GRIA1: variants seen among roughly 807,000 people sequenced by gnomAD.
GRIA1 encodes glutamate ionotropic receptor AMPA type subunit 1.
Under a neutral mutation model 99.2 loss-of-function variants are expected in GRIA1, and 31 were observed. The observed-to-expected ratio is 0.31, with a 90% CI of 0.23 to 0.42. GRIA1 has a LOEUF of 0.42. Ranked by LOEUF, GRIA1 falls within the 10% of genes least tolerant of loss-of-function variation. The pLI is 1.00. For synonymous variants in GRIA1, 438 were observed against 432.4 expected, an observed-to-expected ratio of 1.01 and a Z score of -0.16; for missense variants, 782 against 1,157.5, an observed-to-expected ratio of 0.68 and a Z score of 4.71.
chr5:153,500,606 TACATACAC>T (rs1754913323), intron 2 of GRIA1, among the ~76,000 whole-genome samples: 3 of 57,192 alleles, frequency 5.2e-5, no homozygotes, highest in Admixed American at 1.7e-4. Flanking sequence ...CTCCCCCTCT[TACATACAC>T]ACACACACAC....
chr5:153,701,275 C>T (rs936420812), intron 10 of GRIA1, among the ~76,000 whole-genome samples: 1 of 152,138 alleles, frequency 6.6e-6, no homozygotes, highest in Non-Finnish European at 1.5e-5. Flanking sequence ...GCAGCCAGGC[C>T]TGCCTCAGTA....
At chr5:153,625,303 C>T (rs1767490551) in intron 2 of GRIA1, among the ~76,000 whole-genome samples, 1 of 152,218 alleles carries the variant, frequency 6.6e-6, no homozygotes, top group African/African-American at 2.4e-5. Context: ...GGGCAAGGCT[C>T]TTTCCTGGTC....
intron 2 of GRIA1, among the ~76,000 whole-genome samples, chr5:153,612,157 A>G (rs1207911660): frequency 2.0e-5 from 3 of 152,228 alleles, no homozygotes; most frequent in Non-Finnish European, 4.4e-5. Flanking sequence ...TGCCATTGGC[A>G]CCTAGGTGGG....
At chr5:153,593,616 A>T (rs1764173796) in intron 2 of GRIA1, among the ~76,000 whole-genome samples, 1 of 152,020 alleles carries the variant, frequency 6.6e-6, no homozygotes, top group Non-Finnish European at 1.5e-5. Context: ...TGCATATTTT[A>T]TCATTGACTC....
chr5:153,599,559 C>A (rs1191335163), intron 2 of GRIA1, among the ~76,000 whole-genome samples: 1 of 152,282 alleles, frequency 6.6e-6, no homozygotes, highest in South Asian at 2.1e-4. Flanking sequence ...ACTTATAATA[C>A]CTAATACAAT....
intron 11 of GRIA1, among the ~76,000 whole-genome samples, chr5:153,762,790 C>G (rs149894188): frequency 6.6e-6 from 1 of 152,322 alleles, no homozygotes; most frequent in African/African-American, 2.4e-5. Flanking sequence ...GAGAAACACT[C>G]TCACTCTCAG....
At chr5:153,798,615 T>C (rs1382563418) in intron 14 of GRIA1, among the ~76,000 whole-genome samples, 1 of 152,240 alleles carries the variant, frequency 6.6e-6, no homozygotes, top group Non-Finnish European at 1.5e-5. Context: ...TTAGCAGGTC[T>C]TGATGGCAGG....
At chr5:153,630,060 T>A (rs543347919) in intron 2 of GRIA1, among the ~76,000 whole-genome samples, 1 of 151,934 alleles carries the variant, frequency 6.6e-6, no homozygotes, top group African/African-American at 2.4e-5. Flanking sequence ...CTATTATCAG[T>A]TCTGTGACCC....
At position 153,811,879 on chromosome 5, in the gene GRIA1, T is replaced by A. The variant is rs1160165608; in HGVS notation, c.*654T>A. Reference sequence around the variant, plus strand: ...CCAAGTGGGGCACTGCTTAAGCACTTATTCAGTGGAGAACACAGGTGAAAA... The same window carrying A: ...CCAAGTGGGGCACTGCTTAAGCACTAATTCAGTGGAGAACACAGGTGAAAA... On this transcript the variant is annotated 3_prime_UTR_variant, in exon 16 of 16. Coordinates refer to ENST00000285900, the MANE Select transcript of GRIA1 (RefSeq NM_000827.4). 6.5e-6 allele frequency: 1 copy of A among 152,734 alleles called. No homozygotes were observed. The highest frequency in any genetic ancestry group is 1.5e-5 in the Non-Finnish European group (1 of 68,540). The allele number at this position is 152,734 out of a possible 1,614,324, so 9.5% of individuals were successfully genotyped here.
chr5:153,586,419 T>C (rs1018951689), intron 2 of GRIA1, among the ~76,000 whole-genome samples: 1 of 152,208 alleles, frequency 6.6e-6, no homozygotes, highest in East Asian at 1.9e-4. Flanking sequence ...AGAGATTAAA[T>C]AACTTGTCCA....
intron 5 of GRIA1, among the ~76,000 whole-genome samples, chr5:153,660,225 A>C (rs1021876846): frequency 5.3e-5 from 8 of 152,212 alleles, no homozygotes; most frequent in Non-Finnish European, 1.2e-4. Context: ...TCACTGAATT[A>C]GAATTCCTTA....
At chr5:153,569,934 C>T (rs1761968384) in intron 2 of GRIA1, among the ~76,000 whole-genome samples, 1 of 152,132 alleles carries the variant, frequency 6.6e-6, no homozygotes. Context: ...GAGCTGCAAC[C>T]AGAGCTAAGG....
intron 13 of GRIA1, among the ~76,000 whole-genome samples, chr5:153,790,111 C>A (rs1006852150): frequency 5.3e-5 from 8 of 152,136 alleles, no homozygotes; most frequent in Non-Finnish European, 1.2e-4. Flanking sequence ...CAGAGCAAGG[C>A]TAACCCCAGA....
intron 8 of GRIA1, 98 bp from the exon 9 acceptor site, chr5:153,697,946 C>T (rs1045363123): frequency 1.9e-5 from 11 of 573,438 alleles, no homozygotes; most frequent in South Asian, 1.7e-4. Flanking sequence ...TCATGAGCTC[C>T]TTACTTGCCT....
chr5:153,581,701 G>A (rs533503594), intron 2 of GRIA1, among the ~76,000 whole-genome samples: 123 of 150,802 alleles, frequency 8.2e-4, no homozygotes, highest in African/African-American at 2.8e-3. Context: ...AGCACATATC[G>A]ATTTGTTTAC....
In GRIA1 at chr5:153,794,645, A is replaced by G; in HGVS notation, c.2295A>G (p.Leu765=). The G allele has an allele frequency of 6.2e-7, 1 of 1,612,666 alleles. No individual in the cohort carries two copies. The highest frequency in any genetic ancestry group is 8.5e-7 in the Non-Finnish European group (1 of 1,178,734). The change falls in exon 14 of 16, where the codon TTA becomes TTG. Residue 765 remains leucine, a synonymous_variant. Coordinates refer to ENST00000285900, the MANE Select transcript of GRIA1 (RefSeq NM_000827.4). ...ALRNPVNLAV[L]KLNEQGLLDK... ...GAAATCCAGTAAACCTGGCAGTGTT[A>G]AAACTGAACGAGCAGGGGCTTTTGG...
chr5:153,589,693 G>A (rs952774530), intron 2 of GRIA1, among the ~76,000 whole-genome samples: 2 of 152,158 alleles, frequency 1.3e-5, no homozygotes, highest in Non-Finnish European at 2.9e-5. Flanking sequence ...GTCCTTGCGT[G>A]CATCTGCATT....
chr5:153,597,728 C>G (rs1764549218), intron 2 of GRIA1, among the ~76,000 whole-genome samples: 1 of 152,026 alleles, frequency 6.6e-6, no homozygotes, highest in Non-Finnish European at 1.5e-5. Context: ...CACAGTCTAG[C>G]TGGGTCCAGT....
chr5:153,745,599 A>G (rs1253130660), intron 11 of GRIA1, among the ~76,000 whole-genome samples: 6 of 150,424 alleles, frequency 4.0e-5, no homozygotes, highest in African/African-American at 1.5e-4. Flanking sequence ...CAAAAAAAAA[A>G]AAAAAAAAAA....
Sources: allele counts gnomAD v4.1 joint callset (sites outside exome capture counted in the v4.1 genomes callset), GRCh38; gene constraint gnomAD v4.1.1; transcripts MANE v1.5; gene names NCBI Gene and HGNC (gene_info 2026-07-23, HGNC 2026-07-21).